The following VPS54 variants were observed in gnomAD, a reference collection of about 807,000 sequenced individuals.
The protein encoded by VPS54 is VPS54 subunit of GARP complex, also known as vacuolar protein sorting-associated protein 54.
A neutral mutation model predicts 121.5 loss-of-function variants in VPS54; 45 were observed. That is an observed-to-expected ratio of 0.37 (90% CI 0.29 to 0.47). The LOEUF (loss-of-function observed/expected upper bound fraction) is 0.47, where lower values mean the gene tolerates loss of function less well. Ranked by LOEUF, VPS54 falls within the 20% of genes least tolerant of loss-of-function variation. The pLI is 0.99. For missense variants in VPS54, 1,090 were observed against 1,131.4 expected (o/e 0.96, Z 0.52); for synonymous variants, 371 against 385.8 (o/e 0.96, Z 0.45).
At chr2:63,896,911 G>T (rs6749188) in intron 22 of VPS54, among the ~76,000 whole-genome samples, 4,581 of 152,182 alleles carry the variant, frequency 0.03, 241 homozygotes, top group African/African-American at 0.11. Flanking sequence ...AACCTAAGCT[G>T]AGGGGGAGTA....
At chr2:63,899,748 G>T (rs1028671272) in intron 20 of VPS54, among the ~76,000 whole-genome samples, 167 bp from the exon 21 acceptor site, 1 of 152,156 alleles carries the variant, frequency 6.6e-6, no homozygotes, top group Non-Finnish European at 1.5e-5. Context: ...CAAATCTTGA[G>T]AACTTTTCAT....
intron 7 of VPS54, among the ~76,000 whole-genome samples, chr2:63,950,702 CAGTA>C (rs1675202280): frequency 1.3e-5 from 2 of 152,180 alleles, no homozygotes; most frequent in Admixed American, 1.3e-4. Flanking sequence ...TTGCACAAAA[CAGTA>C]AGAGATAGCC....
intron 12 of VPS54, among the ~76,000 whole-genome samples, chr2:63,932,503 G>A (rs1350105884): frequency 2.0e-5 from 3 of 152,082 alleles, no homozygotes; most frequent in Non-Finnish European, 4.4e-5. Flanking sequence ...ACCAGGGCCT[G>A]TGAAGGGTGG....
chr2:63,934,120 G>A (rs919234482), intron 11 of VPS54, 107 bp from the exon 12 acceptor site: 1 of 948,954 alleles, frequency 1.1e-6, no homozygotes, highest in South Asian at 1.8e-5. Flanking sequence ...AATCATAAAT[G>A]AGTCAAAGTC....
chr2:64,012,455 TAAAAAA>T (rs11316408), intron 1 of VPS54, among the ~76,000 whole-genome samples: 5 of 111,576 alleles, frequency 4.5e-5, no homozygotes, highest in African/African-American at 1.1e-4. Context: ...AGTAACTGTT[TAAAAAA>T]AAAAAAAAAA....
chr2:63,904,607 C>T (rs1045893682), intron 20 of VPS54, among the ~76,000 whole-genome samples: 2 of 152,058 alleles, frequency 1.3e-5, no homozygotes, highest in Non-Finnish European at 2.9e-5. Flanking sequence ...CAGTAAAAAA[C>T]TTCAGTGCTC....
chr2:63,965,080 C>A (rs886214631), intron 6 of VPS54, among the ~76,000 whole-genome samples: 2 of 152,128 alleles, frequency 1.3e-5, no homozygotes, highest in African/African-American at 4.8e-5. Flanking sequence ...ATATTGTATT[C>A]TTTAAGATAT....
In VPS54 at chr2:63,960,309, A is replaced by T. The variant is rs1009509048; in HGVS notation, c.1010+1749T>A. On this transcript the variant is annotated intron_variant, in intron 7 of 22. Coordinates refer to ENST00000272322, the MANE Select transcript of VPS54 (RefSeq NM_016516.3). ...ATTTTATACTTTGACTTAAGGTACAAACAAAAAAAGTAAGGTTGAAAACAA... is the reference window on the plus strand; with the variant it reads ...ATTTTATACTTTGACTTAAGGTACATACAAAAAAAGTAAGGTTGAAAACAA... 6.6e-5 allele frequency among the ~76,000 whole-genome samples: 10 copies of T among 152,342 alleles called. 1 individual carries two copies. Among genetic ancestry groups the T allele is most frequent in the South Asian group, 6.2e-4 (3 of 4,832 alleles).
chr2:63,902,609 AAAGC>A (rs985139226), intron 20 of VPS54, among the ~76,000 whole-genome samples: 5 of 152,224 alleles, frequency 3.3e-5, no homozygotes, highest in African/African-American at 1.2e-4. Flanking sequence ...GTCAAGAAAT[AAAGC>A]AACCAACAGA....
chr2:63,893,220 T>C lies in VPS54; in HGVS notation c.*210A>G. ...AAAAATGTTATAGACACCTGATCAG[T>C]TACTCCTCACTGTAGGATGCACAAA... On this transcript the variant is annotated 3_prime_UTR_variant, in exon 23 of 23. Transcript: ENST00000272322. 1.6e-6 allele frequency: 1 copy of C among 626,738 alleles called. No individual in the cohort carries two copies. The highest frequency in any genetic ancestry group is 2.9e-6 in the Non-Finnish European group (1 of 345,632). 38.8% of individuals were successfully genotyped at this position (626,738 alleles called of 1,614,324 possible).
At chr2:63,996,069 G>A (rs777248599) in intron 1 of VPS54, among the ~76,000 whole-genome samples, 13 of 152,200 alleles carry the variant, frequency 8.5e-5, no homozygotes, top group East Asian at 3.9e-4. Context: ...AGAATCCTGC[G>A]TCAAAATCGA....
intron 12 of VPS54, among the ~76,000 whole-genome samples, chr2:63,922,474 G>C (rs1673691094): frequency 6.6e-6 from 1 of 152,106 alleles, no homozygotes. Context: ...CACCAAATTT[G>C]TTTACTAATG....
intron 21 of VPS54, among the ~76,000 whole-genome samples, chr2:63,897,921 A>C (rs1330264628): frequency 6.6e-6 from 1 of 152,238 alleles, no homozygotes; most frequent in Non-Finnish European, 1.5e-5. Flanking sequence ...TGTCATAATG[A>C]TAGAGGCAAA....
At chr2:64,018,858 T>C (rs1349855753) in intron 1 of VPS54, 80 bp downstream of exon 1, 2 of 69,330 alleles carry the variant, frequency 2.9e-5, no homozygotes, top group African/African-American at 1.1e-4. Flanking sequence ...GCCGAGGGGG[T>C]GGGGTCTCGG....
chr2:63,895,872 G>A (rs115518725), intron 22 of VPS54, among the ~76,000 whole-genome samples: 1,781 of 152,266 alleles, frequency 0.012, 21 homozygotes, highest in Non-Finnish European at 0.017. Flanking sequence ...AAAAGTAACA[G>A]CTAACGAGTT....
chr2:64,011,955 A>G (rs528096243), intron 1 of VPS54, among the ~76,000 whole-genome samples: 5 of 152,374 alleles, frequency 3.3e-5, no homozygotes, highest in East Asian at 1.9e-4. Context: ...AACATCTGCA[A>G]TAAGTCAGTA....
intron 1 of VPS54, among the ~76,000 whole-genome samples, chr2:63,999,178 G>C (rs1318331918): frequency 1.3e-5 from 2 of 152,082 alleles, no homozygotes; most frequent in Non-Finnish European, 2.9e-5. Context: ...TTCAACTCCT[G>C]ACCTCAGCTG....
At chr2:63,925,959 C>T (rs1432386626) in intron 12 of VPS54, among the ~76,000 whole-genome samples, 3 of 152,164 alleles carry the variant, frequency 2.0e-5, no homozygotes. Flanking sequence ...TACATTTTCC[C>T]ATATGTGCCT....
At position 64,019,227 on chromosome 2, in the gene VPS54, G is replaced by A. The variant is rs1324780355; in HGVS notation, c.-310C>T. 6.7e-6 allele frequency among the ~76,000 whole-genome samples: 1 copy of A among 150,338 alleles called. No individual in the cohort carries two copies. The highest frequency in any genetic ancestry group is 2.4e-5 in the African/African-American group (1 of 41,258). On this transcript the variant is annotated 5_prime_UTR_variant, in exon 1 of 23. Transcript: ENST00000272322. ...CAGCAGTTTCCCCCGGGTCCGCAGC[G>A]CCGCCTCCGCCGCTGCTGCCACCGC...
Sources: allele counts gnomAD v4.1 joint callset (sites outside exome capture counted in the v4.1 genomes callset), GRCh38; gene constraint gnomAD v4.1.1; transcripts MANE v1.5; gene names NCBI Gene and HGNC (gene_info 2026-07-23, HGNC 2026-07-21).